The following DDHD2 variants were observed in gnomAD, a reference collection of about 807,000 sequenced individuals.
DDHD2 encodes triacylglycerol hydrolase DDHD2.
In DDHD2, 62 loss-of-function variants were observed where a neutral mutation model predicts 91.2. The ratio of observed to expected loss-of-function variants is 0.68; its 90% CI spans 0.55 to 0.84. DDHD2 has a LOEUF of 0.84. Ranked by LOEUF, DDHD2 falls within the 40% of genes least tolerant of loss-of-function variation. DDHD2 has a pLI of 0.00. For missense variants in DDHD2, 740 were observed against 846.9 expected (o/e 0.87, Z 1.57); for synonymous variants, 271 against 293.9 (o/e 0.92, Z 0.80).
intron 16 of DDHD2, among the ~76,000 whole-genome samples, chr8:38,254,448 A>G (rs529102479): frequency 6.6e-6 from 1 of 152,002 alleles, no homozygotes; most frequent in South Asian, 2.1e-4. Flanking sequence ...TGGCATGCTC[A>G]TGGTTCACTG....
At chr8:38,237,245 G>A (rs1037143460) in intron 3 of DDHD2, among the ~76,000 whole-genome samples, 1 of 151,872 alleles carries the variant, frequency 6.6e-6, no homozygotes, top group Non-Finnish European at 1.5e-5. Flanking sequence ...ATGTGGTGGC[G>A]GGTGCCTGTA....
chr8:38,249,645 T>C (rs1805947778), intron 10 of DDHD2, 63 bp from the exon 11 acceptor site: 2 of 1,204,542 alleles, frequency 1.7e-6, no homozygotes, highest in Admixed American at 2.1e-5. Context: ...CTTGTTCCTC[T>C]TAGGGGACAG....
At chr8:38,247,578 A>C in intron 9 of DDHD2, 135 bp from the exon 10 acceptor site, 1 of 509,762 alleles carries the variant, frequency 2.0e-6, no homozygotes, top group Admixed American at 4.0e-5. Flanking sequence ...CTCTTAATTT[A>C]TATCTTGCAT....
At chr8:38,236,846 G>C (rs1017973858) in intron 3 of DDHD2, among the ~76,000 whole-genome samples, 2 of 151,662 alleles carry the variant, frequency 1.3e-5, no homozygotes, top group Non-Finnish European at 2.9e-5. Context: ...TGTATTTTTA[G>C]TAAAAATGGG....
intron 5 of DDHD2, chr8:38,239,160 G>A (rs981961368): frequency 6.6e-6 from 1 of 151,918 alleles, no homozygotes; most frequent in Non-Finnish European, 1.5e-5. Context: ...GATCACTTGA[G>A]CCCAGGAGTT....
At chr8:38,265,503 C>G (rs1807458288), downstream of DDHD2, 1 of 152,012 alleles carries the variant, frequency 6.6e-6, no homozygotes, top group Non-Finnish European at 1.5e-5. Context: ...GTTGGTCAGG[C>G]TGGTCTTCAA....
intron 16 of DDHD2, among the ~76,000 whole-genome samples, chr8:38,254,455 A>G (rs943551901): frequency 1.3e-5 from 2 of 151,952 alleles, no homozygotes; most frequent in Admixed American, 1.3e-4. Context: ...CTCATGGTTC[A>G]CTGCAGCCTT....
At chr8:38,267,296 C>T (rs1330506362), downstream of DDHD2, 1 of 1,614,002 alleles carries the variant, frequency 6.2e-7, no homozygotes, top group South Asian at 1.1e-5. Flanking sequence ...GAAGCTCTTT[C>T]GGCCCTCATT....
chr8:38,240,412 G>A, intron 6 of DDHD2, 48 bp downstream of exon 6: 2 of 1,349,234 alleles, frequency 1.5e-6, no homozygotes, highest in South Asian at 1.3e-5. Context: ...GCTCTTGTGA[G>A]CTGAGATAAA....
intron 4 of DDHD2, among the ~76,000 whole-genome samples, 196 bp downstream of exon 4, chr8:38,237,823 T>C (rs954000790): frequency 1.1e-4 from 16 of 152,226 alleles, no homozygotes; most frequent in African/African-American, 3.6e-4. Flanking sequence ...AATAATTTTC[T>C]TATGGAAAAT....
At chr8:38,259,664 G>A (rs1284215669) in intron 16 of DDHD2, among the ~76,000 whole-genome samples, 1 of 152,122 alleles carries the variant, frequency 6.6e-6, no homozygotes, top group Non-Finnish European at 1.5e-5. Flanking sequence ...GACTACAGGC[G>A]TGAGCCACCG....
At chr8:38,259,036 A>C (rs889427533) in intron 16 of DDHD2, among the ~76,000 whole-genome samples, 3 of 152,188 alleles carry the variant, frequency 2.0e-5, no homozygotes. Flanking sequence ...TGAGGAACAA[A>C]GGTGGGAGGG....
rs774885754 is a variant in DDHD2 at position 38,252,297 on chromosome 8, G to A, written c.1617+10G>A. On this transcript the variant is annotated intron_variant, in intron 13 of 17. Coordinates refer to ENST00000397166, the MANE Select transcript of DDHD2 (RefSeq NM_015214.3). Reference sequence around the variant, plus strand: ...CAATATTTATCACCCTGTAAGCATTGTACAGCTATTGTGGTTTTACCTAAA... The same window carrying A: ...CAATATTTATCACCCTGTAAGCATTATACAGCTATTGTGGTTTTACCTAAA... 1 of 1,598,392 alleles carries A rather than the reference G, an allele frequency of 6.3e-7. No homozygotes were observed. Among genetic ancestry groups the A allele is most frequent in the African/African-American group, 1.3e-5 (1 of 74,112 alleles).
chr8:38,267,194 C>T (rs1220037177), downstream of DDHD2: 4 of 1,611,906 alleles, frequency 2.5e-6, no homozygotes, highest in East Asian at 8.9e-5. Flanking sequence ...ATTTTCCCAT[C>T]CCTACTAGCT....
chr8:38,255,043 C>G (rs1281392369), intron 16 of DDHD2, among the ~76,000 whole-genome samples: 5 of 151,832 alleles, frequency 3.3e-5, no homozygotes, highest in Non-Finnish European at 5.9e-5. Flanking sequence ...ACCAAAAATA[C>G]AATTAGCCAG....
At position 38,245,730 on chromosome 8, in the gene DDHD2, T is replaced by C. The variant is rs1805584738; in HGVS notation, c.849-12T>C. 1 of 1,612,536 alleles carries C rather than the reference T, an allele frequency of 6.2e-7. No homozygotes were observed. The highest frequency in any genetic ancestry group is 1.7e-5 in the Admixed American group (1 of 59,962). ...TTAGGTTTCCTGCTTATATTATTTT[T>C]CCTTTTTTCAGAGATCTGCAGCGAA... On this transcript the variant is annotated splice_polypyrimidine_tract_variant and intron_variant, in intron 7 of 17. Transcript: ENST00000397166.
intron 2 of DDHD2, among the ~76,000 whole-genome samples, chr8:38,234,031 G>A (rs1449912773): frequency 2.0e-5 from 3 of 152,062 alleles, no homozygotes; most frequent in South Asian, 2.1e-4. Context: ...TATAAAACAA[G>A]AATGATTCTA....
chr8:38,257,800 C>T (rs567464158), intron 16 of DDHD2, among the ~76,000 whole-genome samples: 7 of 151,110 alleles, frequency 4.6e-5, no homozygotes, highest in African/African-American at 1.5e-4. Context: ...AAGTAGCCAG[C>T]ATTACAGGTG....
chr8:38,245,357 G>C (rs1805542216), intron 7 of DDHD2, among the ~76,000 whole-genome samples: 1 of 151,918 alleles, frequency 6.6e-6, no homozygotes, highest in African/African-American at 2.4e-5. Context: ...GCTTGAACCT[G>C]GGAGGCAGAG....
Sources: allele counts gnomAD v4.1 joint callset (sites outside exome capture counted in the v4.1 genomes callset), GRCh38; gene constraint gnomAD v4.1.1; transcripts MANE v1.5; gene names NCBI Gene and HGNC (gene_info 2026-07-23, HGNC 2026-07-21).